The following CSMD1 variants were observed in gnomAD, a reference collection of about 807,000 sequenced individuals.
CSMD1 encodes the protein CUB and sushi domain-containing protein 1.
CSMD1 carries 213 observed loss-of-function variants against 417.5 expected under a neutral mutation model. The observed-to-expected ratio is 0.51, with a 90% CI of 0.46 to 0.57. CSMD1 has a LOEUF of 0.57. Among genes scored for constraint, CSMD1 ranks in the 20% least tolerant of loss-of-function variants. The pLI is 0.00. For missense variants in CSMD1, 6,923 were observed against 4,529.7 expected, an observed-to-expected ratio of 1.53 and a Z score of -15.17; for synonymous variants, 2,862 against 1,736.8, an observed-to-expected ratio of 1.65 and a Z score of -16.11.
chr8:3,168,131 C>G (rs150310364), intron 37 of CSMD1, among the ~76,000 whole-genome samples: 125 of 151,736 alleles, frequency 8.2e-4, no homozygotes, highest in African/African-American at 2.9e-3. Context: ...GGGAAGCAGA[C>G]CCATGTGAAG....
At chr8:2,961,515 T>C (rs1803487341) in intron 61 of CSMD1, among the ~76,000 whole-genome samples, 1 of 152,186 alleles carries the variant, frequency 6.6e-6, no homozygotes. Context: ...GTCAATGATA[T>C]ACTATCTTCA....
intron 52 of CSMD1, among the ~76,000 whole-genome samples, chr8:3,017,777 G>C (rs934467960): frequency 8.2e-6 from 1 of 121,628 alleles, no homozygotes; most frequent in Admixed American, 1.1e-4. Context: ...GAAGCTTAAA[G>C]CTCCCAGTTT....
intron 1 of CSMD1, among the ~76,000 whole-genome samples, chr8:4,883,234 A>T (rs2116965739): frequency 6.6e-6 from 1 of 152,254 alleles, no homozygotes; most frequent in Non-Finnish European, 1.5e-5. Flanking sequence ...GTTGATTTCT[A>T]ACAAGGATCA....
At chr8:4,446,753 G>C (rs574155830) in intron 2 of CSMD1, among the ~76,000 whole-genome samples, 66 of 102,224 alleles carry the variant, frequency 6.5e-4, no homozygotes, top group African/African-American at 2.4e-3. Context: ...GTGTGTGTGT[G>C]TCTGTGTGTG....
At chr8:4,836,709 G>A (rs1358643086) in intron 1 of CSMD1, among the ~76,000 whole-genome samples, 4 of 152,018 alleles carry the variant, frequency 2.6e-5, no homozygotes, top group African/African-American at 7.2e-5. Flanking sequence ...TTTCTATCAT[G>A]GAGCAAAGAA....
intron 3 of CSMD1, among the ~76,000 whole-genome samples, chr8:4,340,384 C>T (rs73660755): frequency 0.015 from 2,258 of 152,156 alleles, 47 homozygotes; most frequent in African/African-American, 0.051. Flanking sequence ...GAAAATAACA[C>T]TCTTGACATG....
At chr8:3,402,924 G>C (rs1240020099) in intron 15 of CSMD1, among the ~76,000 whole-genome samples, 2 of 151,792 alleles carry the variant, frequency 1.3e-5, no homozygotes, top group Non-Finnish European at 2.9e-5. Context: ...CATTTTCCTT[G>C]AAACACAGGT....
chr8:4,238,530 G>C (rs1802203078), intron 3 of CSMD1, among the ~76,000 whole-genome samples: 1 of 152,198 alleles, frequency 6.6e-6, no homozygotes, highest in Non-Finnish European at 1.5e-5. Context: ...TGGTCAGACA[G>C]GCTTGAGGTT....
intron 7 of CSMD1, among the ~76,000 whole-genome samples, chr8:3,624,324 C>T (rs1390956859): frequency 6.6e-6 from 1 of 152,134 alleles, no homozygotes; most frequent in Non-Finnish European, 1.5e-5. Context: ...TATAATCCAC[C>T]TTTAGAGAAC....
At chr8:4,432,965 G>T (rs541015802) in intron 2 of CSMD1, among the ~76,000 whole-genome samples, 20 of 152,298 alleles carry the variant, frequency 1.3e-4, no homozygotes, top group Admixed American at 1.2e-3. Flanking sequence ...TACCAGCTGA[G>T]CTCCACCCTC....
intron 3 of CSMD1, among the ~76,000 whole-genome samples, chr8:4,053,643 G>A (rs777954572): frequency 6.6e-6 from 1 of 151,984 alleles, no homozygotes; most frequent in East Asian, 1.9e-4. Flanking sequence ...CTTGCATAGA[G>A]TGTCATATAC....
intron 8 of CSMD1, among the ~76,000 whole-genome samples, chr8:3,593,926 T>A (rs1284856278): frequency 6.6e-6 from 1 of 152,182 alleles, no homozygotes; most frequent in African/African-American, 2.4e-5. Context: ...ATACGTAGAA[T>A]CAGTTATATG....
chr8:3,088,843 TAAAAAAAAA>T (rs5888943), intron 48 of CSMD1, among the ~76,000 whole-genome samples: 1 of 114,084 alleles, frequency 8.8e-6, no homozygotes, highest in South Asian at 3.1e-4. Context: ...ACTGTGCTAG[TAAAAAAAAA>T]AAAAAAAAAA....
chr8:4,587,208 G>A (rs1452480237), intron 2 of CSMD1, among the ~76,000 whole-genome samples: 4 of 152,062 alleles, frequency 2.6e-5, no homozygotes, highest in Non-Finnish European at 4.4e-5. Flanking sequence ...AATTCCTTCA[G>A]TAAAAAATGA....
intron 1 of CSMD1, among the ~76,000 whole-genome samples, chr8:4,717,013 G>A (rs954419538): frequency 1.3e-5 from 2 of 151,874 alleles, no homozygotes; most frequent in African/African-American, 2.4e-5. Flanking sequence ...GGGTTGATGA[G>A]GACACATTTT....
chr8:3,433,819 G>A (rs1045459065), intron 12 of CSMD1, among the ~76,000 whole-genome samples: 4 of 152,246 alleles, frequency 2.6e-5, no homozygotes, highest in East Asian at 3.9e-4. Flanking sequence ...ACTGAAAAAC[G>A]GGCTCCCGTG....
rs78276020 is a variant in CSMD1, at chr8:4,022,467, C to G, written c.610+9438G>C. 8.3e-3 allele frequency among the ~76,000 whole-genome samples: 1,266 copies of G among 152,194 alleles called. 14 individuals carry two copies. Among genetic ancestry groups the G allele is most frequent in the African/African-American group, 0.028 (1,178 of 41,518 alleles). ...TGGATGCAGATAAGGACATTTGCAGCCTTGCTCAGGTTTAAAGACTTCCCT... is the reference window on the plus strand; with the variant it reads ...TGGATGCAGATAAGGACATTTGCAGGCTTGCTCAGGTTTAAAGACTTCCCT... On this transcript the variant is annotated intron_variant, in intron 4 of 69. Transcript: ENST00000635120.
chr8:4,710,672 C>T (rs538400437), intron 1 of CSMD1, among the ~76,000 whole-genome samples: 167 of 151,218 alleles, frequency 1.1e-3, no homozygotes, highest in Non-Finnish European at 1.5e-3. Context: ...GGTGAAACCC[C>T]GTCTCTACTA....
At chr8:3,840,882 T>C (rs756282704) in intron 5 of CSMD1, among the ~76,000 whole-genome samples, 46 of 151,988 alleles carry the variant, frequency 3.0e-4, no homozygotes, top group South Asian at 1.5e-3. Context: ...AATTTTTGTA[T>C]TTTTAGTAGA....
Sources: gnomAD v4.1 joint callset for allele counts (sites outside exome capture counted in the v4.1 genomes callset) on GRCh38, gnomAD v4.1.1 for gene constraint, MANE v1.5 for transcripts, NCBI Gene and HGNC (gene_info 2026-07-23, HGNC 2026-07-21) for gene names.